The following NMBR variants were observed in gnomAD, a reference collection of about 807,000 sequenced individuals.
The protein encoded by NMBR is neuromedin B receptor.
Under a neutral mutation model 20.5 loss-of-function variants are expected in NMBR, and 16 were observed. The ratio of observed to expected loss-of-function variants is 0.78; its 90% CI spans 0.53 to 1.19. NMBR has a LOEUF of 1.19. Among genes scored for constraint, NMBR ranks in the 50% most tolerant of loss-of-function variants. The probability of loss-of-function intolerance (pLI) is 0.00; values close to 1 mark genes in which losing one functional copy is unlikely to be tolerated. For synonymous variants in NMBR, 212 were observed against 196.6 expected (o/e 1.08, Z -0.65); for missense variants, 582 against 499.1 (o/e 1.17, Z -1.58).
rs1776931264 is a variant in NMBR, at chr6:142,075,871, GA to G, written c.949del (p.Ser317LeufsTer46). The G allele has an allele frequency of 1.2e-5, 19 of 1,614,012 alleles. No individual in the cohort carries two copies. Among genetic ancestry groups the G allele is most frequent in the Non-Finnish European group, 1.5e-5 (18 of 1,179,960 alleles). On this transcript the variant is annotated frameshift_variant, in exon 4 of 4. Transcript: ENST00000258042. LOFTEE classifies it high-confidence loss of function. Reference protein sequence around the residue: ...LVARVLSFGNSCVNPFALYLL... With the variant: ...LVARVLSFGNXCVNPFALYLL... The stretch of plus-strand genomic sequence containing the variant: ...GTAAAGAGCAAATGGGTTGACACAA[GA>G]ATTGCCAAAACTGAGAACCCGGGCA...
chr6:142,088,808 T>C lies in NMBR; in HGVS notation c.-150A>G. On this transcript the variant is annotated 5_prime_UTR_variant, in exon 2 of 4. Coordinates refer to ENST00000258042, the MANE Select transcript of NMBR (RefSeq NM_002511.4). ...GGCAAGCCTCACAGCACCACGTCCC[T>C]AAGAGTTCAGGACCTGGGGAGGGGT... 2 of 686,642 alleles carry C rather than the reference T, an allele frequency of 2.9e-6. No homozygotes were observed. Among genetic ancestry groups the C allele is most frequent in the Non-Finnish European group, 4.8e-6 (2 of 416,274 alleles). 42.5% of individuals were successfully genotyped at this position (686,642 alleles called of 1,614,324 possible). A position where few individuals can be genotyped will look rare whatever the true frequency, so the allele number is the denominator to read the frequency against.
intron 1 of NMBR, among the ~76,000 whole-genome samples, chr6:142,098,395 T>C (rs1275809966): frequency 1.3e-5 from 2 of 152,160 alleles, no homozygotes; most frequent in Non-Finnish European, 2.9e-5. Flanking sequence ...AAAACTGTCT[T>C]TGTTAACAAA....
intron 1 of NMBR, among the ~76,000 whole-genome samples, chr6:142,142,543 T>C (rs1320040917): frequency 6.6e-6 from 1 of 152,088 alleles, no homozygotes. Context: ...AAATAGCATC[T>C]AAGGAAACTT....
intron 1 of NMBR, among the ~76,000 whole-genome samples, chr6:142,136,210 T>C (rs1035661392): frequency 6.6e-6 from 1 of 152,232 alleles, no homozygotes; most frequent in African/African-American, 2.4e-5. Context: ...AGATGGTATC[T>C]CCTTGTGCTT....
rs150890257 is a variant in NMBR, at chr6:142,142,177, C to T, written c.-664+4867G>A. Among the ~76,000 whole-genome samples the T allele has an allele frequency of 6.8e-3, 1,037 of 152,152 alleles. 14 individuals are homozygous for T. The highest frequency in any genetic ancestry group is 0.024 in the African/African-American group (987 of 41,526). The stretch of plus-strand genomic sequence containing the variant: ...CAAAAAATATGACTTATCCATATAT[C>T]GATTTTTAAAATTTTAAATCCAAAG... On this transcript the variant is annotated intron_variant, in intron 1 of 3. Transcript: ENST00000258042.
Position 142,088,637 on chromosome 6 carries a change from T to C in NMBR, c.22A>G (p.Asn8Asp). Residue 8 changes from asparagine to aspartate, a missense_variant, in exon 2 of 4, where the codon AAC becomes GAC. Asn to Asp is a conservative substitution (Grantham distance 23, BLOSUM62 1). Coordinates refer to ENST00000258042, the MANE Select transcript of NMBR (RefSeq NM_002511.4). The part of the protein sequence containing the change: MPSKSLS[N>D]LSVTTGANES... ...TTCGCGCCGGTGGTCACCGAGAGGT[T>C]GGAAAGAGACTTAGAGGGCATGATC... 1.9e-6 allele frequency: 3 copies of C among 1,603,390 alleles called. No individual in the cohort carries two copies. Among genetic ancestry groups the C allele is most frequent in the Non-Finnish European group, 2.5e-6 (3 of 1,179,418 alleles).
intron 1 of NMBR, among the ~76,000 whole-genome samples, chr6:142,097,330 T>A (rs1777474369): frequency 6.6e-6 from 1 of 152,198 alleles, no homozygotes; most frequent in Non-Finnish European, 1.5e-5. Flanking sequence ...CTTTCCATGT[T>A]TAGTGCTTCC....
intron 1 of NMBR, among the ~76,000 whole-genome samples, chr6:142,140,553 C>T (rs2114614810): frequency 1.3e-5 from 2 of 152,152 alleles, no homozygotes; most frequent in Middle Eastern, 3.4e-3. Flanking sequence ...GAACCAAACC[C>T]AAACATATCA....
At chr6:142,110,877 G>C (rs187929243) in intron 1 of NMBR, among the ~76,000 whole-genome samples, 24 of 152,080 alleles carry the variant, frequency 1.6e-4, no homozygotes, top group Admixed American at 7.9e-4. Context: ...TTTCTAAATG[G>C]GTAATATAGT....
chr6:142,116,749 A>G (rs1777862490), intron 1 of NMBR, among the ~76,000 whole-genome samples: 2 of 152,006 alleles, frequency 1.3e-5, no homozygotes, highest in African/African-American at 4.8e-5. Flanking sequence ...TTCCGTTAAA[A>G]TTTGTTATAA....
chr6:142,109,408 T>C (rs1379300682), intron 1 of NMBR, among the ~76,000 whole-genome samples: 2 of 151,878 alleles, frequency 1.3e-5, no homozygotes, highest in East Asian at 1.9e-4. Flanking sequence ...CAGGTATTCA[T>C]TGGAAAGAGA....
chr6:142,079,008 G>T, intron 2 of NMBR, 105 bp from the exon 3 acceptor site: 1 of 627,136 alleles, frequency 1.6e-6, no homozygotes. Flanking sequence ...GAGAGAGAAA[G>T]GAAGAAAGGG....
chr6:142,105,212 T>C (rs1777639659), intron 1 of NMBR, among the ~76,000 whole-genome samples: 1 of 152,226 alleles, frequency 6.6e-6, no homozygotes, highest in South Asian at 2.1e-4. Context: ...AATGGTGGAA[T>C]GTCATCAGTT....
chr6:142,107,863 A>T (rs1340926807), intron 1 of NMBR, among the ~76,000 whole-genome samples: 4 of 92,348 alleles, frequency 4.3e-5, no homozygotes, highest in Non-Finnish European at 7.8e-5. Context: ...ACAAATAGAG[A>T]CTATCAAAAA....
chr6:142,083,421 G>T lies in NMBR; in HGVS notation c.423-4518C>A, dbSNP rs548037913. Among the ~76,000 whole-genome samples, 7 of 152,208 alleles carry T rather than the reference G, an allele frequency of 4.6e-5. No individual in the cohort carries two copies. In the South Asian group the frequency reaches 1.5e-3, roughly 32 times the overall value. ...CCAACTTTTCTTTTCCCTGCCCTTG[G>T]TTTCCTCCCTTTTTAGTCCTGTGGT... is the stretch of plus-strand genomic sequence containing the variant. On this transcript the variant is annotated intron_variant, in intron 2 of 3. Coordinates refer to ENST00000258042, the MANE Select transcript of NMBR (RefSeq NM_002511.4).
Position 142,121,038 on chromosome 6 carries a change from G to T in NMBR, c.-664+26006C>A, listed in dbSNP as rs536980107. Among the ~76,000 whole-genome samples, 4 of 151,918 alleles carry T rather than the reference G, an allele frequency of 2.6e-5. No individual in the cohort carries two copies. In the East Asian group the frequency reaches 5.8e-4, roughly 22 times the overall value. ...ATTTTGTGTCTCTGTATCACATTTT[G>T]GGAATTCTCACAAAATTTCAAAAGT... On this transcript the variant is annotated intron_variant, in intron 1 of 3. Transcript: ENST00000258042.
intron 1 of NMBR, chr6:142,133,296 G>A: frequency 2.0e-6 from 1 of 489,720 alleles, no homozygotes; most frequent in Non-Finnish European, 3.7e-6. Flanking sequence ...CTACATCTAT[G>A]GAGAATACTG....
chr6:142,127,392 T>G (rs949581416), intron 1 of NMBR, among the ~76,000 whole-genome samples: 34 of 152,094 alleles, frequency 2.2e-4, no homozygotes, highest in African/African-American at 8.2e-4. Flanking sequence ...ACTGTAGTCT[T>G]TATAGTATAT....
At chr6:142,091,184 C>T (rs1411536687) in intron 1 of NMBR, among the ~76,000 whole-genome samples, 1 of 152,096 alleles carries the variant, frequency 6.6e-6, no homozygotes, top group Non-Finnish European at 1.5e-5. Flanking sequence ...TAATAGAATG[C>T]ACACACATCA....
Sources: gnomAD v4.1 joint callset for allele counts (sites outside exome capture counted in the v4.1 genomes callset) on GRCh38, gnomAD v4.1.1 for gene constraint, MANE v1.5 for transcripts, NCBI Gene and HGNC (gene_info 2026-07-23, HGNC 2026-07-21) for gene names.